KIRREL3: variants seen among roughly 807,000 people sequenced by gnomAD.
KIRREL3 encodes the protein kin of IRRE-like protein 3.
KIRREL3 carries 36 observed loss-of-function variants against 89.7 expected under a neutral mutation model. The ratio of observed to expected loss-of-function variants is 0.40; its 90% CI spans 0.31 to 0.53. The LOEUF (loss-of-function observed/expected upper bound fraction) is 0.53, where lower values mean the gene tolerates loss of function less well. Ranked by LOEUF, KIRREL3 falls within the 20% of genes least tolerant of loss-of-function variation. The probability of loss-of-function intolerance (pLI) is 0.49; values close to 1 mark genes in which losing one functional copy is unlikely to be tolerated. For missense variants in KIRREL3, 864 were observed against 1,056.6 expected (o/e 0.82, Z 2.53); for synonymous variants, 445 against 441.4 (o/e 1.01, Z -0.10).
At chr11:126,753,715 C>T (rs748605156) in intron 1 of KIRREL3, among the ~76,000 whole-genome samples, 1 of 152,148 alleles carries the variant, frequency 6.6e-6, no homozygotes, top group East Asian at 1.9e-4. Context: ...TGGATCTGAG[C>T]TCCTGCCTCC....
In KIRREL3 at chr11:126,476,389, C is replaced by T. The variant is rs1226545499; in HGVS notation, c.434-2923G>A. On this transcript the variant is annotated intron_variant, in intron 4 of 16. Coordinates refer to ENST00000525144, the MANE Select transcript of KIRREL3 (RefSeq NM_032531.4). The surrounding 1 kb of genome is among the most constrained non-coding windows in gnomAD (Gnocchi z 6.4). Reference sequence around the variant, plus strand: ...CACAGTGCAGCCACCAAGGCCTTCCCGAGAATCCAAGACCCAGAGGACGGG... The same window carrying T: ...CACAGTGCAGCCACCAAGGCCTTCCTGAGAATCCAAGACCCAGAGGACGGG... Among the ~76,000 whole-genome samples, 1 of 152,218 alleles carries T rather than the reference C, an allele frequency of 6.6e-6. No individual in the cohort carries two copies. Among genetic ancestry groups the T allele is most frequent in the Non-Finnish European group, 1.5e-5 (1 of 68,016 alleles).
In KIRREL3 at chr11:126,999,019, T is replaced by G. The variant is rs1950249526; in HGVS notation, c.55+1436A>C. On this transcript the variant is annotated intron_variant, in intron 1 of 16. Transcript: ENST00000525144. This position sits in a 1 kb window ranked among gnomAD's most constrained non-coding sequence, Gnocchi z 5.7. ...TAATCTTACCAAATGGTAATATAAC[T>G]GAACCTGTCTCTATACCAGTGTTCT... Among the ~76,000 whole-genome samples the G allele has an allele frequency of 6.7e-6, 1 of 149,448 alleles. No individual in the cohort carries two copies. Among genetic ancestry groups the G allele is most frequent in the Admixed American group, 6.7e-5 (1 of 14,940 alleles).
In KIRREL3 at chr11:126,653,647, A is replaced by G. The variant is rs1945000654; in HGVS notation, c.56-90735T>C. Among the ~76,000 whole-genome samples, 1 of 152,022 alleles carries G rather than the reference A, an allele frequency of 6.6e-6. No homozygotes were observed. The highest frequency in any genetic ancestry group is 2.1e-4 in the South Asian group (1 of 4,816). ...AAGGTCACACGGACACTCTGACCCG[A>G]CTCTCTCCTGGCAGCATTCAATGTG... is the stretch of plus-strand genomic sequence containing the variant. On this transcript the variant is annotated intron_variant, in intron 1 of 16. Transcript: ENST00000525144. The surrounding 1 kb of genome is among the most constrained non-coding windows in gnomAD (Gnocchi z 5.4).
rs1949777088 is a variant in KIRREL3, at chr11:126,983,734, A to G, written c.55+16721T>C. ...CAGCACCTGGATGCCAGCCCGTGAG[A>G]TCCATTCTAGACCTCTGACCTCCAG... is the stretch of plus-strand genomic sequence containing the variant. On this transcript the variant is annotated intron_variant, in intron 1 of 16. Transcript: ENST00000525144. This position sits in a 1 kb window ranked among gnomAD's most constrained non-coding sequence, Gnocchi z 4.9. 6.6e-6 allele frequency among the ~76,000 whole-genome samples: 1 copy of G among 152,148 alleles called. No individual in the cohort carries two copies. Among genetic ancestry groups the G allele is most frequent in the Admixed American group, 6.5e-5 (1 of 15,274 alleles).
chr11:126,583,532 A>G (rs1419025746), intron 1 of KIRREL3, among the ~76,000 whole-genome samples: 1 of 152,198 alleles, frequency 6.6e-6, no homozygotes, highest in Non-Finnish European at 1.5e-5. Flanking sequence ...TATACGAAGG[A>G]GTCTAGCATG....
In KIRREL3 at chr11:126,817,488, C is replaced by A. The variant is rs1455757010; in HGVS notation, c.55+182967G>T. ...CAATATCCTCAGGCTTCTACCTTCC[C>A]ATTTCTCCCACCAATCAGGCATTAG... is the stretch of plus-strand genomic sequence containing the variant. On this transcript the variant is annotated intron_variant, in intron 1 of 16. Coordinates refer to ENST00000525144, the MANE Select transcript of KIRREL3 (RefSeq NM_032531.4). The surrounding 1 kb of genome is among the most constrained non-coding windows in gnomAD (Gnocchi z 5.7). 6.6e-6 allele frequency among the ~76,000 whole-genome samples: 1 copy of A among 152,162 alleles called. No individual in the cohort carries two copies. Among genetic ancestry groups the A allele is most frequent in the Non-Finnish European group, 1.5e-5 (1 of 68,028 alleles).
rs926862143 is a variant in KIRREL3, at chr11:126,761,106, T to C, written c.56-198194A>G. Among the ~76,000 whole-genome samples the C allele has an allele frequency of 1.3e-5, 2 of 152,212 alleles. No individual in the cohort carries two copies. The highest frequency in any genetic ancestry group is 4.8e-5 in the African/African-American group (2 of 41,462). On this transcript the variant is annotated intron_variant, in intron 1 of 16. Coordinates refer to ENST00000525144, the MANE Select transcript of KIRREL3 (RefSeq NM_032531.4). The surrounding 1 kb of genome is among the most constrained non-coding windows in gnomAD (Gnocchi z 4.4). ...TGGAATGGGTGTGGAGGTGGCTCAC[T>C]TCCTCCTGCCTGCTTCTTCTGAAGA...
At chr11:126,671,782 G>A (rs1945962958) in intron 1 of KIRREL3, among the ~76,000 whole-genome samples, 1 of 152,156 alleles carries the variant, frequency 6.6e-6, no homozygotes, top group African/African-American at 2.4e-5. Context: ...GACAATACTG[G>A]CAAGGATATG....
chr11:126,904,640 C>T lies in KIRREL3; in HGVS notation c.55+95815G>A, dbSNP rs1312782546. 6.6e-6 allele frequency among the ~76,000 whole-genome samples: 1 copy of T among 152,184 alleles called. No individual in the cohort carries two copies. The highest frequency in any genetic ancestry group is 1.5e-5 in the Non-Finnish European group (1 of 68,024). ...AAATAATCTGTCTTACAAGGCTGTT[C>T]TTACTTATACCAAGAACAATCTGTC... On this transcript the variant is annotated intron_variant, in intron 1 of 16. Transcript: ENST00000525144. The surrounding 1 kb of genome is among the most constrained non-coding windows in gnomAD (Gnocchi z 4.4).
At chr11:126,849,866 T>C (rs1313341359) in intron 1 of KIRREL3, among the ~76,000 whole-genome samples, 6 of 152,158 alleles carry the variant, frequency 3.9e-5, no homozygotes, top group Non-Finnish European at 8.8e-5. Flanking sequence ...GTGAGGTCCA[T>C]CCATTTTCAG....
At chr11:126,726,119 G>A (rs570052321) in intron 1 of KIRREL3, among the ~76,000 whole-genome samples, 2 of 152,222 alleles carry the variant, frequency 1.3e-5, no homozygotes, top group African/African-American at 4.8e-5. Context: ...GTCCCGAAGT[G>A]GGTCTCTAAG....
chr11:126,839,386 G>A (rs1943887728), intron 1 of KIRREL3, among the ~76,000 whole-genome samples: 1 of 152,236 alleles, frequency 6.6e-6, no homozygotes, highest in Middle Eastern at 3.4e-3. Context: ...TTGAATAAAT[G>A]AATATAAATG....
chr11:126,792,474 G>T (rs960750955), intron 1 of KIRREL3, among the ~76,000 whole-genome samples: 1 of 152,258 alleles, frequency 6.6e-6, no homozygotes, highest in South Asian at 2.1e-4. Context: ...GCCAAAACTC[G>T]TGTACGTAAC....
Position 126,948,291 on chromosome 11 carries a change from TAA to T in KIRREL3, c.55+52162_55+52163del, listed in dbSNP as rs138583624. Among the ~76,000 whole-genome samples, 1 of 149,002 alleles carries T rather than the reference TAA, an allele frequency of 6.7e-6. No homozygotes were observed. The highest frequency in any genetic ancestry group is 1.5e-5 in the Non-Finnish European group (1 of 67,232). Reference sequence around the variant, plus strand: ...AGTTGGTCAAATTTCAAGAATAGCATAAAAAAAAAACCTCTTTGGCCTGAACC... The same window carrying T: ...AGTTGGTCAAATTTCAAGAATAGCATAAAAAAAACCTCTTTGGCCTGAACC... On this transcript the variant is annotated intron_variant, in intron 1 of 16. Coordinates refer to ENST00000525144, the MANE Select transcript of KIRREL3 (RefSeq NM_032531.4). The surrounding 1 kb of genome is among the most constrained non-coding windows in gnomAD (Gnocchi z 4.5).
Position 126,508,897 on chromosome 11 carries a change from C to T in KIRREL3, c.433+12418G>A, listed in dbSNP as rs771315529. ...ATAGAGTGGCAGCTCACCAGCGTCA[C>T]CCTTGCCCTTCTCTCTTCTCTCCAC... On this transcript the variant is annotated intron_variant, in intron 4 of 16. Coordinates refer to ENST00000525144, the MANE Select transcript of KIRREL3 (RefSeq NM_032531.4). The surrounding 1 kb of genome is among the most constrained non-coding windows in gnomAD (Gnocchi z 4.9). Among the ~76,000 whole-genome samples the T allele has an allele frequency of 2.6e-5, 4 of 152,122 alleles. No homozygotes were observed. Among genetic ancestry groups the T allele is most frequent in the Non-Finnish European group, 5.9e-5 (4 of 68,028 alleles).
chr11:126,714,836 T>C (rs1947896591), intron 1 of KIRREL3, among the ~76,000 whole-genome samples: 1 of 152,154 alleles, frequency 6.6e-6, no homozygotes, highest in Non-Finnish European at 1.5e-5. Context: ...AGGGAAGATG[T>C]GGGATATCCC....
rs1294049129 is a variant in KIRREL3 at position 126,474,120 on chromosome 11, T to G, written c.434-654A>C. The stretch of plus-strand genomic sequence containing the variant: ...GCCCGGCCAACACCTGGTTAATTTT[T>G]GTATTTTTAGTAGAGATGGGGTTTC... On this transcript the variant is annotated intron_variant, in intron 4 of 16. Coordinates refer to ENST00000525144, the MANE Select transcript of KIRREL3 (RefSeq NM_032531.4). This position sits in a 1 kb window ranked among gnomAD's most constrained non-coding sequence, Gnocchi z 6.7. Among the ~76,000 whole-genome samples the G allele has an allele frequency of 6.6e-6, 1 of 152,092 alleles. No homozygotes were observed. The highest frequency in any genetic ancestry group is 1.5e-5 in the Non-Finnish European group (1 of 68,012).
At chr11:126,986,472 G>A (rs986331576) in intron 1 of KIRREL3, among the ~76,000 whole-genome samples, 2 of 152,180 alleles carry the variant, frequency 1.3e-5, no homozygotes, top group African/African-American at 4.8e-5. Flanking sequence ...CATCTCTGGT[G>A]TACAGCATTG....
At chr11:126,864,892 T>A (rs763078971) in intron 1 of KIRREL3, among the ~76,000 whole-genome samples, 3 of 152,144 alleles carry the variant, frequency 2.0e-5, no homozygotes, top group Admixed American at 6.5e-5. Context: ...TCATCCACCA[T>A]CATCTGCTCA....
Sources: gnomAD v4.1 joint callset for allele counts (sites outside exome capture counted in the v4.1 genomes callset) on GRCh38, gnomAD v4.1.1 for gene constraint, Gnocchi (gnomAD v3.1) non-coding constraint, MANE v1.5 for transcripts, NCBI Gene and HGNC (gene_info 2026-07-23, HGNC 2026-07-21) for gene names.